CPXM2: variants seen among roughly 807,000 people sequenced by gnomAD.
CPXM2 encodes the protein inactive carboxypeptidase-like protein X2.
A neutral mutation model predicts 86.1 loss-of-function variants in CPXM2; 66 were observed. The ratio of observed to expected loss-of-function variants is 0.77; its 90% CI spans 0.63 to 0.94. CPXM2 has a LOEUF of 0.94. Ranked by LOEUF, CPXM2 falls within the 40% of genes least tolerant of loss-of-function variation. The pLI is 0.00. For synonymous variants in CPXM2, 388 were observed against 400.2 expected (o/e 0.97, Z 0.36); for missense variants, 948 against 1,026.3 (o/e 0.92, Z 1.04).
At chr10:123,909,901 T>C (rs1945474126) in intron 2 of CPXM2, among the ~76,000 whole-genome samples, 1 of 152,138 alleles carries the variant, frequency 6.6e-6, no homozygotes, top group African/African-American at 2.4e-5. Flanking sequence ...CATGCCAACA[T>C]TTAGTCCCTC....
intron 4 of CPXM2, among the ~76,000 whole-genome samples, chr10:123,819,350 C>T (rs894928874): frequency 2.6e-5 from 4 of 152,240 alleles, no homozygotes; most frequent in Admixed American, 6.5e-5. Context: ...AGGTTTGGGT[C>T]ACTCCACCAG....
At chr10:123,912,558 C>T (rs1212717281) in intron 2 of CPXM2, among the ~76,000 whole-genome samples, 1 of 152,226 alleles carries the variant, frequency 6.6e-6, no homozygotes, top group Admixed American at 6.5e-5. Context: ...GTGGCCAGGG[C>T]TTGTTTCCAT....
intron 4 of CPXM2, among the ~76,000 whole-genome samples, chr10:123,805,594 T>C (rs1484003405): frequency 1.3e-5 from 2 of 152,182 alleles, no homozygotes; most frequent in Non-Finnish European, 1.5e-5. Context: ...TGGTTTCTCT[T>C]GAGGTTTCAT....
At chr10:123,808,607 A>C (rs760967113) in intron 4 of CPXM2, among the ~76,000 whole-genome samples, 60 of 152,198 alleles carry the variant, frequency 3.9e-4, no homozygotes, top group Non-Finnish European at 6.6e-4. Flanking sequence ...ACAGAAGCAC[A>C]CATGAATCCC....
At chr10:123,753,471 C>T (rs1436899188) in intron 13 of CPXM2, among the ~76,000 whole-genome samples, 2 of 152,222 alleles carry the variant, frequency 1.3e-5, no homozygotes, top group African/African-American at 2.4e-5. Context: ...GAAGCCAAAC[C>T]CCACTAACCC....
At chr10:123,792,301 C>T (rs552812998) in intron 6 of CPXM2, among the ~76,000 whole-genome samples, 22 of 152,266 alleles carry the variant, frequency 1.4e-4, no homozygotes, top group South Asian at 1.2e-3. Context: ...TGCACTGGTG[C>T]TCATTTAGTC....
chr10:123,858,180 A>G (rs1378545971), intron 3 of CPXM2, among the ~76,000 whole-genome samples: 2 of 152,240 alleles, frequency 1.3e-5, no homozygotes, highest in Non-Finnish European at 2.9e-5. Context: ...ATGCACTAGA[A>G]AAACACATGT....
chr10:123,892,666 C>T (rs1057283453), upstream of CPXM2, among the ~76,000 whole-genome samples: 6 of 152,186 alleles, frequency 3.9e-5, no homozygotes, highest in Non-Finnish European at 7.3e-5. Context: ...AAGGCTGATG[C>T]GAGTGTCACC....
intron 4 of CPXM2, among the ~76,000 whole-genome samples, chr10:123,804,868 T>C (rs1299374107): frequency 1.3e-5 from 2 of 152,196 alleles, no homozygotes; most frequent in Non-Finnish European, 2.9e-5. Flanking sequence ...TTTAATCAAG[T>C]ATGAGTTCAT....
chr10:123,798,010 G>A lies in CPXM2; in HGVS notation c.855C>T (p.Cys285=). 6.2e-7 allele frequency: 1 copy of A among 1,610,260 alleles called. No individual in the cohort carries two copies. The highest frequency in any genetic ancestry group is 8.5e-7 in the Non-Finnish European group (1 of 1,178,086). ...PQSWFDNGSI[C]MRMEILGCPL... Reference sequence around the variant, plus strand: ...GGCAGCCCAGGATCTCCATTCTCATGCAGATGCTCCCATTATCAAACCAGG... The same window carrying A: ...GGCAGCCCAGGATCTCCATTCTCATACAGATGCTCCCATTATCAAACCAGG... The change falls in exon 6 of 14, where the codon TGC becomes TGT. Residue 285 remains cysteine, a synonymous_variant. Transcript: ENST00000241305.
chr10:123,774,769 A>G (rs529389683), intron 7 of CPXM2, among the ~76,000 whole-genome samples: 3 of 152,340 alleles, frequency 2.0e-5, no homozygotes, highest in Admixed American at 6.5e-5. Context: ...CAAGAATGCT[A>G]CAACAGAAAC....
intron 13 of CPXM2, chr10:123,751,012 A>G (rs1846061913): frequency 1.0e-6 from 1 of 985,326 alleles, no homozygotes; most frequent in Non-Finnish European, 1.2e-6. Flanking sequence ...GTTCAGGGTG[A>G]ACCTTCTAGG....
chr10:123,820,941 G>C (rs1847912101), intron 4 of CPXM2, among the ~76,000 whole-genome samples: 1 of 152,166 alleles, frequency 6.6e-6, no homozygotes, highest in Non-Finnish European at 1.5e-5. Flanking sequence ...CATGTAAGGT[G>C]ACATATTCAC....
rs771113443 is a variant in CPXM2 at position 123,767,161 on chromosome 10, A to G, written c.1300-9T>C. On this transcript the variant is annotated splice_polypyrimidine_tract_variant and intron_variant, in intron 9 of 13. Coordinates refer to ENST00000241305, the MANE Select transcript of CPXM2 (RefSeq NM_198148.3). ...CCTCCCAGCTCCGAGCCCTGGAGAC[A>G]AGTGAGAGTGTGAAGAATGCACAGG... 3.1e-6 allele frequency: 5 copies of G among 1,613,432 alleles called. No individual in the cohort carries two copies. The South Asian group carries it at 4.4e-5, about 14-fold the overall frequency.
intron 4 of CPXM2, among the ~76,000 whole-genome samples, chr10:123,834,731 G>A (rs891999927): frequency 4.6e-5 from 7 of 152,182 alleles, no homozygotes; most frequent in African/African-American, 1.7e-4. Flanking sequence ...ATCCCGTGTT[G>A]GAGGTGCAGC....
At chr10:123,829,883 G>A (rs979378252) in intron 4 of CPXM2, among the ~76,000 whole-genome samples, 1 of 151,796 alleles carries the variant, frequency 6.6e-6, no homozygotes, top group East Asian at 1.9e-4. Flanking sequence ...GCTATCCTGG[G>A]GGTGGCATTT....
At chr10:123,928,834 A>T (rs894458081) in intron 2 of CPXM2, among the ~76,000 whole-genome samples, 1 of 152,244 alleles carries the variant, frequency 6.6e-6, no homozygotes. Context: ...AGCCATTCCC[A>T]CTGGCTTCTG....
chr10:123,798,250 A>AAAT, intron 5 of CPXM2, 124 bp from the exon 6 acceptor site: 1 of 738,062 alleles, frequency 1.4e-6, no homozygotes, highest in Non-Finnish European at 1.9e-6. Context: ...TGTGCATTGA[A>AAAT]AAGAAAAAAA....
chr10:123,882,659 G>A (rs544879310), intron 1 of CPXM2, among the ~76,000 whole-genome samples: 12 of 152,212 alleles, frequency 7.9e-5, no homozygotes, highest in East Asian at 3.9e-4. Flanking sequence ...AGCCAGGGCC[G>A]CCTCCCTGGG....
Sources: gnomAD v4.1 joint callset for allele counts (sites outside exome capture counted in the v4.1 genomes callset) on GRCh38, gnomAD v4.1.1 for gene constraint, MANE v1.5 for transcripts, NCBI Gene and HGNC (gene_info 2026-07-23, HGNC 2026-07-21) for gene names.